Variants in YAP1 observed in about 807,000 individuals in gnomAD.
The protein encoded by YAP1 is transcriptional coactivator YAP1.
Under a neutral mutation model 56.9 loss-of-function variants are expected in YAP1, and 5 were observed. The observed-to-expected ratio is 0.09, with a 90% CI of 0.05 to 0.18. The LOEUF (loss-of-function observed/expected upper bound fraction) is 0.18. Ranked by LOEUF, YAP1 falls within the 10% of genes least tolerant of loss-of-function variation. The pLI is 1.00. For missense variants in YAP1, 539 were observed against 651.8 expected (o/e 0.83, Z 1.88); for synonymous variants, 265 against 248.1 (o/e 1.07, Z -0.64).
chr11:102,201,558 A>G (rs769983680), intron 4 of YAP1, among the ~76,000 whole-genome samples: 2 of 152,188 alleles, frequency 1.3e-5, no homozygotes, highest in Non-Finnish European at 2.9e-5. Context: ...TTATGTACTT[A>G]ATGGAATATC....
chr11:102,133,971 A>T (rs1342260448), intron 2 of YAP1, among the ~76,000 whole-genome samples: 1 of 152,188 alleles, frequency 6.6e-6, no homozygotes, highest in Non-Finnish European at 1.5e-5. Flanking sequence ...ACACACTGTC[A>T]TGTCATTTTT....
intron 4 of YAP1, among the ~76,000 whole-genome samples, chr11:102,198,390 G>A (rs2135560811): frequency 6.6e-6 from 1 of 152,176 alleles, no homozygotes; most frequent in South Asian, 2.1e-4. Context: ...TTATTTTTGT[G>A]TAATTTTATT....
intron 3 of YAP1, among the ~76,000 whole-genome samples, chr11:102,172,797 G>A (rs1414533399): frequency 2.6e-5 from 4 of 152,124 alleles, no homozygotes; most frequent in African/African-American, 9.7e-5. Context: ...TCCAGTGCAG[G>A]TCTCTGTAAT....
chr11:102,221,266 A>G (rs981215203), intron 6 of YAP1, among the ~76,000 whole-genome samples: 3 of 152,236 alleles, frequency 2.0e-5, no homozygotes, highest in Non-Finnish European at 4.4e-5. Flanking sequence ...AAGACAGGCA[A>G]ACAATTTTGG....
At chr11:102,149,579 T>C (rs1422409364) in intron 2 of YAP1, among the ~76,000 whole-genome samples, 1 of 152,200 alleles carries the variant, frequency 6.6e-6, no homozygotes, top group Non-Finnish European at 1.5e-5. Context: ...TTAAGTCTTT[T>C]AAGGTATATG....
intron 4 of YAP1, chr11:102,186,580 T>A (rs1203123366): frequency 6.2e-6 from 1 of 161,454 alleles, no homozygotes; most frequent in Non-Finnish European, 1.3e-5. Context: ...TTGTAGTGTT[T>A]CCCATCCTAA....
Position 102,232,287 on chromosome 11 carries a change from G to C in YAP1, c.*2347G>C, listed in dbSNP as rs996248593. On this transcript the variant is annotated 3_prime_UTR_variant, in exon 9 of 9. Transcript: ENST00000282441. ...GGAGGGTGGGAAAGTTTGGGGGGGG[G>C]GTTGTGAAGATTTAGGGGGACCTTG... The C allele has an allele frequency of 2.1e-5, 3 of 142,360 alleles. 1 individual carries two copies. In the Admixed American group the frequency reaches 2.2e-4, roughly 10 times the overall value. The allele number at this position is 142,360 out of a possible 1,614,324, so 8.8% of individuals were successfully genotyped here.
intron 6 of YAP1, among the ~76,000 whole-genome samples, chr11:102,213,156 G>C (rs530933166): frequency 6.6e-6 from 1 of 152,252 alleles, no homozygotes; most frequent in South Asian, 2.1e-4. Flanking sequence ...TCCCCCCTGA[G>C]GTGCGAACAC....
intron 2 of YAP1, among the ~76,000 whole-genome samples, chr11:102,135,824 A>G (rs573005292): frequency 6.6e-6 from 1 of 152,290 alleles, no homozygotes; most frequent in South Asian, 2.1e-4. Context: ...ATATCTGCAA[A>G]TATTTTTGCA....
At chr11:102,157,154 T>C (rs1946004162) in intron 2 of YAP1, among the ~76,000 whole-genome samples, 1 of 152,212 alleles carries the variant, frequency 6.6e-6, no homozygotes, top group Non-Finnish European at 1.5e-5. Context: ...TATCCTGTAG[T>C]GCAGAAACCA....
intron 7 of YAP1, among the ~76,000 whole-genome samples, chr11:102,226,020 G>A (rs1666392529): frequency 6.6e-6 from 1 of 152,190 alleles, no homozygotes; most frequent in Non-Finnish European, 1.5e-5. Flanking sequence ...TGCTTCCCCT[G>A]TGGTTTGGAA....
In YAP1 at chr11:102,136,035, G is replaced by T. The variant is rs190258939; in HGVS notation, c.572+21641G>T. On this transcript the variant is annotated intron_variant, in intron 2 of 8. Coordinates refer to ENST00000282441, the MANE Select transcript of YAP1 (RefSeq NM_001130145.3). ...ATGTCTTCTGTGCAAGGATTTCTCT[G>T]TGTACATACATAAGAACTTTTCTAG... 3.3e-4 allele frequency among the ~76,000 whole-genome samples: 51 copies of T among 152,276 alleles called. No homozygotes were observed. The East Asian group carries it at 4.8e-3, about 14-fold the overall frequency.
rs1017660144 is a variant in YAP1 at position 102,114,219 on chromosome 11, C to A, written c.397C>A (p.Gln133Lys). The A allele has an allele frequency of 6.2e-7, 1 of 1,614,052 alleles. No homozygotes were observed. The highest frequency in any genetic ancestry group is 8.5e-7 in the Non-Finnish European group (1 of 1,179,914). Reference protein sequence around the residue: ...VRAHSSPASLQLGAVSPGTLT... With the variant: ...VRAHSSPASLKLGAVSPGTLT... ...AGCTCATTCCTCTCCAGCTTCTCTG[C>A]AGTTGGGAGCTGTTTCTCCTGGGAC... is the stretch of plus-strand genomic sequence containing the variant. Residue 133 changes from glutamine (Q) to lysine (K), a missense_variant, in exon 2 of 9, where the codon CAG (glutamine) becomes AAG (lysine). Physicochemically the swap from Gln to Lys is moderately conservative, Grantham distance 53. Coordinates refer to ENST00000282441, the MANE Select transcript of YAP1 (RefSeq NM_001130145.3).
chr11:102,123,647 T>TTTTTTTTTTTTTTTTTTTTTC (rs1565429580), intron 2 of YAP1, among the ~76,000 whole-genome samples: 1 of 125,320 alleles, frequency 8.0e-6, no homozygotes, highest in Non-Finnish European at 1.7e-5. Flanking sequence ...TTTTTTTTTC[T>TTTTTTTTTTTTTTTTTTTTTC]TTTTTTTTTC....
intron 7 of YAP1, among the ~76,000 whole-genome samples, chr11:102,224,078 G>T (rs1330416110): frequency 6.6e-6 from 1 of 152,154 alleles, no homozygotes; most frequent in African/African-American, 2.4e-5. Flanking sequence ...GAAAGCAAAT[G>T]AATTTCATGT....
At chr11:102,112,859 A>G (rs1943046705) in intron 1 of YAP1, 1 of 808,012 alleles carries the variant, frequency 1.2e-6, no homozygotes, top group Non-Finnish European at 1.5e-6. Flanking sequence ...TAATACACAT[A>G]GATTGGATCC....
At chr11:102,144,877 C>T (rs1234007975) in intron 2 of YAP1, among the ~76,000 whole-genome samples, 1 of 55,448 alleles carries the variant, frequency 1.8e-5, no homozygotes, top group African/African-American at 3.5e-5. Context: ...CACACACACA[C>T]ATACACACAC....
At chr11:102,177,863 G>A (rs1474594510) in intron 3 of YAP1, among the ~76,000 whole-genome samples, 1 of 152,018 alleles carries the variant, frequency 6.6e-6, no homozygotes, top group African/African-American at 2.4e-5. Context: ...TGTGAATATG[G>A]CAAGCCATGG....
In YAP1 at chr11:102,149,582, G is replaced by C. The variant is rs1010238204; in HGVS notation, c.573-12874G>C. Among the ~76,000 whole-genome samples the C allele has an allele frequency of 3.3e-5, 5 of 152,088 alleles. No individual in the cohort carries two copies. In the South Asian group the frequency reaches 6.2e-4, roughly 19 times the overall value. On this transcript the variant is annotated intron_variant, in intron 2 of 8. Transcript: ENST00000282441. ...AGGGAGTATAGTTTAAGTCTTTTAA[G>C]GTATATGTGAAATGATTGGCCAAAC...
Sources: allele counts gnomAD v4.1 joint callset (sites outside exome capture counted in the v4.1 genomes callset), GRCh38; gene constraint gnomAD v4.1.1; transcripts MANE v1.5; gene names NCBI Gene and HGNC (gene_info 2026-07-23, HGNC 2026-07-21).